CLPB: variants seen among roughly 807,000 people sequenced by gnomAD.
CLPB encodes the protein mitochondrial disaggregase.
Under a neutral mutation model 78.4 loss-of-function variants are expected in CLPB, and 40 were observed. The observed-to-expected ratio is 0.51, with a 90% CI of 0.40 to 0.66. The LOEUF (loss-of-function observed/expected upper bound fraction) is 0.66, where lower values mean the gene tolerates loss of function less well. Among genes scored for constraint, CLPB ranks in the 30% least tolerant of loss-of-function variants. The pLI, the probability that CLPB is intolerant of heterozygous loss-of-function variation, is 0.00. For missense variants in CLPB, 780 were observed against 886.9 expected, an observed-to-expected ratio of 0.88 and a Z score of 1.53; for synonymous variants, 333 against 348.0, an observed-to-expected ratio of 0.96 and a Z score of 0.48.
At chr11:72,423,441 G>A (rs1856268334) in intron 2 of CLPB, among the ~76,000 whole-genome samples, 2 of 152,136 alleles carry the variant, frequency 1.3e-5, no homozygotes, top group Non-Finnish European at 2.9e-5. Context: ...CTGTGTGGCA[G>A]GCACTGTACC....
chr11:72,429,302 A>G (rs1310312954), intron 2 of CLPB, among the ~76,000 whole-genome samples: 1 of 152,252 alleles, frequency 6.6e-6, no homozygotes, highest in East Asian at 1.9e-4. Context: ...AGGCTTGAAC[A>G]TTAATACCCA....
chr11:72,375,254 T>C (rs748530648), intron 4 of CLPB, among the ~76,000 whole-genome samples: 1 of 152,230 alleles, frequency 6.6e-6, no homozygotes, highest in South Asian at 2.1e-4. Flanking sequence ...GTCAGAATGG[T>C]CCATCTAAAA....
intron 3 of CLPB, among the ~76,000 whole-genome samples, chr11:72,395,983 T>C (rs184670372): frequency 1.8e-4 from 28 of 152,344 alleles, no homozygotes; most frequent in Admixed American, 8.5e-4. Flanking sequence ...GACAGCAATC[T>C]GGCTTAGGCT....
intron 6 of CLPB, among the ~76,000 whole-genome samples, chr11:72,324,665 T>C (rs747332727): frequency 6.6e-6 from 1 of 152,216 alleles, no homozygotes; most frequent in African/African-American, 2.4e-5. Context: ...CATACCATAG[T>C]AAGCCACAGG....
At chr11:72,307,069 G>A (rs1949758986) in intron 9 of CLPB, 130 bp downstream of exon 9, 2 of 766,718 alleles carry the variant, frequency 2.6e-6, no homozygotes, top group Admixed American at 5.1e-5. Flanking sequence ...CAGAGCTGAG[G>A]TCTGCTTCCT....
intron 2 of CLPB, among the ~76,000 whole-genome samples, chr11:72,408,430 G>C (rs1855773175): frequency 6.6e-6 from 1 of 152,120 alleles, no homozygotes; most frequent in South Asian, 2.1e-4. Context: ...CACTTTGGGA[G>C]GCCAAGGTGA....
chr11:72,311,181 T>C (rs1048737935), intron 7 of CLPB: 7 of 152,186 alleles, frequency 4.6e-5, no homozygotes, highest in Non-Finnish European at 8.8e-5. Context: ...TAGGAAGGAC[T>C]GGAGAAGGCG....
At chr11:72,395,335 C>CCCTCCCAT (rs1555105751) in intron 3 of CLPB, among the ~76,000 whole-genome samples, 5 of 152,162 alleles carry the variant, frequency 3.3e-5, no homozygotes, top group Non-Finnish European at 7.4e-5. Flanking sequence ...CAGCATCCTT[C>CCCTCCCAT]GGTCCATCCC....
intron 3 of CLPB, among the ~76,000 whole-genome samples, chr11:72,390,549 G>A (rs1316094179): frequency 6.6e-6 from 1 of 151,056 alleles, no homozygotes; most frequent in Non-Finnish European, 1.5e-5. Flanking sequence ...AACCAAAAAA[G>A]GATTATTACT....
At position 72,286,231 on chromosome 11, in the gene CLPB, T is replaced by TTTGTTTTTTTG. The variant is rs1565413657; in HGVS notation, c.*7135_*7136insCAAAAAAACAA. On this transcript the variant is annotated 3_prime_UTR_variant, in exon 16 of 16. Coordinates refer to ENST00000538039, the MANE Select transcript of CLPB (RefSeq NM_001258392.3). ...TGTGAGATACTGCACCTGTTTTTTT[T>TTTGTTTTTTTG]TTTTTTTTTTTTTTTAAGAGATAGG... is the stretch of plus-strand genomic sequence containing the variant. The TTTGTTTTTTTG allele has an allele frequency of 1.5e-5, 2 of 134,126 alleles. No individual in the cohort carries two copies. Among genetic ancestry groups the TTTGTTTTTTTG allele is most frequent in the Non-Finnish European group, 3.2e-5 (2 of 62,508 alleles). 8.3% of individuals were successfully genotyped at this position (134,126 alleles called of 1,614,324 possible). A position where few individuals can be genotyped will look rare whatever the true frequency, so the allele number is the denominator to read the frequency against.
chr11:72,308,566 G>A lies in CLPB; in HGVS notation c.1027C>T (p.His343Tyr). 1 of 1,614,182 alleles carries A rather than the reference G, an allele frequency of 6.2e-7. No individual in the cohort carries two copies. The highest frequency in any genetic ancestry group is 1.7e-5 in the Admixed American group (1 of 60,022). ...CCCAAGAAGAGGAAGACCAGAGGGT[G>A]TTCTTCATCGTACCAGCCATTCTCC... ...RKENGWYDEEHPLVFLFLGSS... is the reference protein window; with the variant it reads ...RKENGWYDEEYPLVFLFLGSS... Residue 343 changes from histidine (H) to tyrosine (Y), a missense_variant, in exon 8 of 16, where the codon CAC becomes TAC. Coordinates refer to ENST00000538039, the MANE Select transcript of CLPB (RefSeq NM_001258392.3).
chr11:72,381,700 T>C (rs1175604251), intron 3 of CLPB, among the ~76,000 whole-genome samples: 6 of 151,976 alleles, frequency 3.9e-5, no homozygotes, highest in Non-Finnish European at 7.4e-5. Context: ...AGACCCAGCC[T>C]CCAGGTCCAC....
At chr11:72,384,488 A>G (rs1371985913) in intron 3 of CLPB, among the ~76,000 whole-genome samples, 1 of 152,190 alleles carries the variant, frequency 6.6e-6, no homozygotes, top group East Asian at 1.9e-4. Context: ...AAAACCACCT[A>G]ATCACAAAGG....
intron 11 of CLPB, 99 bp downstream of exon 11, chr11:72,301,704 G>A: frequency 7.5e-7 from 1 of 1,327,502 alleles, no homozygotes; most frequent in Non-Finnish European, 1.0e-6. Context: ...AGGAAGCCGA[G>A]GAATGACCAG....
rs1322289058 is a variant in CLPB, at chr11:72,286,102, T to C, written c.*7265A>G. 1.3e-5 allele frequency: 2 copies of C among 151,990 alleles called. No homozygotes were observed. Among genetic ancestry groups the C allele is most frequent in the Admixed American group, 1.3e-4 (2 of 15,248 alleles). 9.4% of individuals were successfully genotyped at this position (151,990 alleles called of 1,614,324 possible). On this transcript the variant is annotated 3_prime_UTR_variant, in exon 16 of 16. Coordinates refer to ENST00000538039, the MANE Select transcript of CLPB (RefSeq NM_001258392.3). ...GGATGCCACCACAACCAGCTAATTT[T>C]TTGCAGAGATGGGGTTTCACCATGT... is the stretch of plus-strand genomic sequence containing the variant.
chr11:72,301,872 C>G lies in CLPB; in HGVS notation c.1260G>C (p.Val420=), dbSNP rs1157265871. The G allele has an allele frequency of 6.2e-7, 1 of 1,614,182 alleles. No homozygotes were observed. Among genetic ancestry groups the G allele is most frequent in the African/African-American group, 1.3e-5 (1 of 75,054 alleles). The change falls in exon 11 of 16, where the codon GTG becomes GTC. Residue 420 remains valine, a synonymous_variant. Transcript: ENST00000538039. The part of the protein sequence containing the change: ...TKKLKQCPNA[V]VLFDEVDKAH... The stretch of plus-strand genomic sequence containing the variant: ...CCTTGTCTACTTCATCAAAGAGCAC[C>G]ACAGCATTGGGGCACTGCTTCAACT...
chr11:72,373,565 TCA>T (rs1015998569), intron 4 of CLPB, among the ~76,000 whole-genome samples: 2 of 152,174 alleles, frequency 1.3e-5, no homozygotes, highest in Non-Finnish European at 2.9e-5. Context: ...TTATTCCATC[TCA>T]CAGACATTCT....
chr11:72,395,137 T>C (rs1453911136), intron 3 of CLPB, among the ~76,000 whole-genome samples: 3 of 152,232 alleles, frequency 2.0e-5, no homozygotes, highest in Non-Finnish European at 2.9e-5. Context: ...CAGCACTCTA[T>C]GTGTTCTTCT....
intron 2 of CLPB, among the ~76,000 whole-genome samples, chr11:72,424,778 C>T (rs1397637165): frequency 1.3e-5 from 2 of 151,876 alleles, no homozygotes; most frequent in East Asian, 1.9e-4. Flanking sequence ...CCCAGCTACT[C>T]GGGAGGCTGA....
Sources: allele counts gnomAD v4.1 joint callset (sites outside exome capture counted in the v4.1 genomes callset), GRCh38; gene constraint gnomAD v4.1.1; transcripts MANE v1.5; gene names NCBI Gene and HGNC (gene_info 2026-07-23, HGNC 2026-07-21).